The following USP13 variants were observed in gnomAD, a reference collection of about 807,000 sequenced individuals.
USP13 encodes ubiquitin specific peptidase 13.
USP13 carries 68 observed loss-of-function variants against 107.8 expected under a neutral mutation model. That is an observed-to-expected ratio of 0.63 (90% CI 0.52 to 0.77). USP13 has a LOEUF of 0.77. Among genes scored for constraint, USP13 ranks in the 30% least tolerant of loss-of-function variants. The pLI, the probability that USP13 is intolerant of heterozygous loss-of-function variation, is 0.00. For missense variants in USP13, 945 were observed against 1,093.3 expected, an observed-to-expected ratio of 0.86 and a Z score of 1.91; for synonymous variants, 377 against 389.5, an observed-to-expected ratio of 0.97 and a Z score of 0.38.
At chr3:179,769,717 A>T (rs946325888) in intron 19 of USP13, among the ~76,000 whole-genome samples, 12 of 152,192 alleles carry the variant, frequency 7.9e-5, no homozygotes, top group African/African-American at 2.7e-4. Flanking sequence ...CCAAATAATG[A>T]GTTTCTTAAA....
intron 1 of USP13, among the ~76,000 whole-genome samples, chr3:179,662,947 C>T (rs1553786589): frequency 6.6e-6 from 1 of 151,954 alleles, no homozygotes; most frequent in Non-Finnish European, 1.5e-5. Flanking sequence ...ATTCTACCTC[C>T]CTCTCTCTCT....
intron 10 of USP13, among the ~76,000 whole-genome samples, chr3:179,739,141 C>T (rs745539021): frequency 8.5e-5 from 13 of 152,186 alleles, no homozygotes; most frequent in East Asian, 1.9e-4. Context: ...CCTCGGCAGC[C>T]GTCACCTCCT....
intron 4 of USP13, 87 bp from the exon 5 acceptor site, chr3:179,706,847 T>G (rs559453066): frequency 5.3e-5 from 76 of 1,437,192 alleles, no homozygotes; most frequent in Admixed American, 3.2e-4. Flanking sequence ...AGTTTTTAAA[T>G]TCATATTCTA....
At chr3:179,673,728 G>C (rs1011500985) in intron 1 of USP13, among the ~76,000 whole-genome samples, 1 of 152,208 alleles carries the variant, frequency 6.6e-6, no homozygotes, top group Non-Finnish European at 1.5e-5. Context: ...CTGCAGGCCT[G>C]ACCTTGTGTC....
intron 16 of USP13, among the ~76,000 whole-genome samples, chr3:179,760,119 T>C (rs1714949927): frequency 4.6e-5 from 7 of 152,174 alleles, no homozygotes; most frequent in Admixed American, 4.6e-4. Flanking sequence ...TCCTGTTTTT[T>C]CTCCTCTTTT....
At chr3:179,704,962 A>T (rs767454718) in intron 4 of USP13, among the ~76,000 whole-genome samples, 13 of 152,126 alleles carry the variant, frequency 8.5e-5, no homozygotes, top group Non-Finnish European at 1.3e-4. Context: ...ACTCTGGCAG[A>T]TCACTCTGGC....
rs565254549 is a variant in USP13 at position 179,764,106 on chromosome 3, G to A, written c.2197G>A (p.Val733Ile). 9.9e-6 allele frequency: 16 copies of A among 1,614,004 alleles called. No individual in the cohort carries two copies. The highest frequency in any genetic ancestry group is 9.3e-5 in the African/African-American group (7 of 74,970). ...GLDNQPPEEI[V>I]AIITSMGFQR... ...GGATAACCAACCTCCAGAGGAAATC[G>A]TAGCTATCATCACCTCCATGGGATT... The change falls in exon 18 of 21, where the codon GTA (valine) becomes ATA (isoleucine). Residue 733 changes from valine (V) to isoleucine (I), a missense_variant. By Grantham distance (29) the Val-to-Ile change is conservative (BLOSUM62 3). Transcript: ENST00000263966.
chr3:179,704,283 A>G (rs1712636116), intron 4 of USP13, among the ~76,000 whole-genome samples: 1 of 152,170 alleles, frequency 6.6e-6, no homozygotes, highest in African/African-American at 2.4e-5. Context: ...GTTCAGAATC[A>G]CAGTGCACTG....
At chr3:179,657,585 A>G (rs891710985) in intron 1 of USP13, among the ~76,000 whole-genome samples, 33 of 151,308 alleles carry the variant, frequency 2.2e-4, no homozygotes, top group Admixed American at 1.8e-3. Context: ...ACGTGGTGAA[A>G]CCCTGTCTCT....
At chr3:179,684,906 T>C (rs1711814377) in intron 2 of USP13, among the ~76,000 whole-genome samples, 1 of 152,174 alleles carries the variant, frequency 6.6e-6, no homozygotes, top group African/African-American at 2.4e-5. Context: ...TAAAAAATCC[T>C]ATTGGGATTT....
At chr3:179,734,433 C>A (rs1316885193) in intron 10 of USP13, among the ~76,000 whole-genome samples, 1 of 152,216 alleles carries the variant, frequency 6.6e-6, no homozygotes, top group Non-Finnish European at 1.5e-5. Context: ...TTAAATAACT[C>A]TGTATTCTGA....
At chr3:179,709,107 C>A in intron 6 of USP13, 150 bp downstream of exon 6, 1 of 938,480 alleles carries the variant, frequency 1.1e-6, no homozygotes, top group Non-Finnish European at 1.6e-6. Context: ...GTTTTGAGGT[C>A]TTGGGCAAGT....
chr3:179,694,667 G>A (rs553590005), intron 3 of USP13, among the ~76,000 whole-genome samples: 2 of 152,190 alleles, frequency 1.3e-5, no homozygotes, highest in African/African-American at 4.8e-5. Flanking sequence ...TGGGCATGGT[G>A]GCACATGACT....
chr3:179,677,846 A>G (rs1261371915), intron 1 of USP13, among the ~76,000 whole-genome samples: 1 of 152,142 alleles, frequency 6.6e-6, no homozygotes, highest in Non-Finnish European at 1.5e-5. Flanking sequence ...TGTGGCTGTC[A>G]GACTCACTTA....
rs539792432 is a variant in USP13, at chr3:179,768,682, G to C, written c.2413+2834G>C. Among the ~76,000 whole-genome samples the C allele has an allele frequency of 1.3e-3, 193 of 152,292 alleles. 1 individual carries two copies. Among genetic ancestry groups the C allele is most frequent in the African/African-American group, 4.5e-3 (185 of 41,552 alleles). On this transcript the variant is annotated intron_variant, in intron 19 of 20. Coordinates refer to ENST00000263966, the MANE Select transcript of USP13 (RefSeq NM_003940.3). ...TTCCCCAGCACTGTGCCTGGCCCAT[G>C]GTGAGTGATCAGCAAATAACTGATT...
At chr3:179,723,820 G>A (rs1713415961) in intron 8 of USP13, among the ~76,000 whole-genome samples, 1 of 152,090 alleles carries the variant, frequency 6.6e-6, no homozygotes, top group South Asian at 2.1e-4. Context: ...ACTCAGTGGA[G>A]TTAGATTCAG....
At chr3:179,779,061 C>G (rs1260267361) in intron 19 of USP13, among the ~76,000 whole-genome samples, 1 of 151,878 alleles carries the variant, frequency 6.6e-6, no homozygotes, top group Non-Finnish European at 1.5e-5. Flanking sequence ...GCTTGCCAAG[C>G]ATGTTTGAGG....
chr3:179,658,234 G>A (rs1400223119), intron 1 of USP13, among the ~76,000 whole-genome samples: 20 of 152,246 alleles, frequency 1.3e-4, no homozygotes, highest in Non-Finnish European at 2.6e-4. Context: ...GATTACAGGC[G>A]GGAGCCACTG....
chr3:179,720,001 G>A lies in USP13; in HGVS notation c.867G>A (p.Ala289=), dbSNP rs148480598. ...ATCCTCATTTGGCCAAGCACTTAGC[G>A]CATTTTGGAATTGATATGCTTCATA... ...VLDPHLAKHL[A]HFGIDMLHMH... Residue 289 remains alanine (A), a synonymous_variant, in exon 7 of 21, where the codon GCG becomes GCA. Transcript: ENST00000263966. 9.4e-5 allele frequency: 151 copies of A among 1,613,800 alleles called. No individual in the cohort carries two copies. Among genetic ancestry groups the A allele is most frequent in the East Asian group, 2.2e-4 (10 of 44,880 alleles).
Sources: gnomAD v4.1 joint callset for allele counts (sites outside exome capture counted in the v4.1 genomes callset) on GRCh38, gnomAD v4.1.1 for gene constraint, MANE v1.5 for transcripts, NCBI Gene and HGNC (gene_info 2026-07-23, HGNC 2026-07-21) for gene names.